Variants in CABCOCO1 observed in about 807,000 individuals in gnomAD.
The protein encoded by CABCOCO1 is ciliary associated calcium binding coiled-coil 1, also known as ciliary-associated calcium-binding coiled-coil protein 1.
Under a neutral mutation model 35.7 loss-of-function variants are expected in CABCOCO1, and 28 were observed. The observed-to-expected ratio is 0.78, with a 90% CI of 0.58 to 1.07. The LOEUF is 1.07. CABCOCO1 is among the 50% of genes least tolerant of loss of function. The pLI, the probability that CABCOCO1 is intolerant of heterozygous loss-of-function variation, is 0.00. For missense variants in CABCOCO1, 326 were observed against 309.2 expected (o/e 1.05, Z -0.41); for synonymous variants, 95 against 100.1 (o/e 0.95, Z 0.30).
chr10:61,723,225 G>T (rs967124396), intron 5 of CABCOCO1, among the ~76,000 whole-genome samples: 5 of 152,094 alleles, frequency 3.3e-5, no homozygotes, highest in Non-Finnish European at 5.9e-5. Context: ...AGAAAAAACT[G>T]TTACAATTTT....
At chr10:61,685,938 A>G (rs1194611274) in intron 3 of CABCOCO1, 103 bp from the exon 4 acceptor site, 1 of 976,966 alleles carries the variant, frequency 1.0e-6, no homozygotes, top group East Asian at 2.9e-5. Flanking sequence ...CCTCACAAAT[A>G]CTTAACAAAG....
chr10:61,714,051 T>A lies in CABCOCO1; in HGVS notation c.552+23430T>A, dbSNP rs189078847. 3.7e-3 allele frequency among the ~76,000 whole-genome samples: 568 copies of A among 152,304 alleles called. 1 individual carries two copies. The highest frequency in any genetic ancestry group is 6.4e-3 in the Non-Finnish European group (436 of 68,018). ...AAATGAGTTAGGGAGGATTCCCTCT[T>A]TTTCTATTGATTGGAATAGTTTCAG... On this transcript the variant is annotated intron_variant, in intron 5 of 7. Coordinates refer to ENST00000648843, the MANE Select transcript of CABCOCO1 (RefSeq NM_001366906.2).
At chr10:61,697,131 A>T (rs187598279) in intron 5 of CABCOCO1, among the ~76,000 whole-genome samples, 80 of 152,218 alleles carry the variant, frequency 5.3e-4, no homozygotes, top group Non-Finnish European at 5.6e-4. Context: ...GTGAATGTGA[A>T]TATCTTTCTT....
chr10:61,757,638 A>G (rs1294577410), intron 5 of CABCOCO1, among the ~76,000 whole-genome samples: 1 of 151,838 alleles, frequency 6.6e-6, no homozygotes, highest in Non-Finnish European at 1.5e-5. Flanking sequence ...CAAAGAAATG[A>G]TGATGTGGAA....
chr10:61,756,792 C>T (rs1841906096), intron 5 of CABCOCO1, among the ~76,000 whole-genome samples: 1 of 151,812 alleles, frequency 6.6e-6, no homozygotes, highest in African/African-American at 2.4e-5. Flanking sequence ...AGGGAGGTTG[C>T]TAAATCAGGG....
chr10:61,704,117 A>G (rs1307611450), intron 5 of CABCOCO1, among the ~76,000 whole-genome samples: 1 of 151,988 alleles, frequency 6.6e-6, no homozygotes, highest in African/African-American at 2.4e-5. Flanking sequence ...CCAGCTACTC[A>G]GGAGGCTGAG....
intron 5 of CABCOCO1, among the ~76,000 whole-genome samples, chr10:61,710,315 T>G (rs1046523950): frequency 1.3e-5 from 2 of 151,366 alleles, no homozygotes; most frequent in Non-Finnish European, 2.9e-5. Context: ...AATATAGAGA[T>G]AATGATAGAG....
At chr10:61,713,210 G>C (rs1234221594) in intron 5 of CABCOCO1, among the ~76,000 whole-genome samples, 1 of 152,114 alleles carries the variant, frequency 6.6e-6, no homozygotes, top group Non-Finnish European at 1.5e-5. Context: ...TCTCCTTGAA[G>C]AGGTCCTTCA....
intron 5 of CABCOCO1, among the ~76,000 whole-genome samples, chr10:61,717,916 C>A (rs977913082): frequency 6.6e-6 from 1 of 152,018 alleles, no homozygotes; most frequent in African/African-American, 2.4e-5. Flanking sequence ...ATATTTTAAC[C>A]CAATAGCAGG....
At position 61,760,869 on chromosome 10, in the gene CABCOCO1, G is replaced by C. The variant is rs761814732; in HGVS notation, c.682G>C (p.Asp228His). 6.2e-7 allele frequency: 1 copy of C among 1,611,282 alleles called. No homozygotes were observed. Among genetic ancestry groups the C allele is most frequent in the African/African-American group, 1.3e-5 (1 of 74,696 alleles). Residue 228 changes from aspartate to histidine, a missense_variant, in exon 7 of 8, where the codon GAT (aspartate) becomes CAT (histidine). Coordinates refer to ENST00000648843, the MANE Select transcript of CABCOCO1 (RefSeq NM_001366906.2). ...TILDTEMKRL[D>H]QEQGPEESQP... ...TTTACTTTCAATATTCTAGAGGTTG[G>C]ATCAAGAACAAGGCCCTGAGGAGTC...
rs546496470 is a variant in CABCOCO1 at position 61,700,170 on chromosome 10, G to A, written c.552+9549G>A. On this transcript the variant is annotated intron_variant, in intron 5 of 7. Coordinates refer to ENST00000648843, the MANE Select transcript of CABCOCO1 (RefSeq NM_001366906.2). ...CCACCTTGGGAAATGTCTAACTATT[G>A]TCAAGACTGTAAGATACCAGAGGCC... 9.2e-5 allele frequency among the ~76,000 whole-genome samples: 14 copies of A among 152,010 alleles called. No individual in the cohort carries two copies. In the East Asian group the frequency reaches 2.5e-3, roughly 27 times the overall value.
At chr10:61,763,982 G>A (rs1842059311) in intron 7 of CABCOCO1, among the ~76,000 whole-genome samples, 3 of 152,092 alleles carry the variant, frequency 2.0e-5, no homozygotes, top group Admixed American at 2.0e-4. Context: ...GGAGATCTGA[G>A]ACATTACTCA....
At position 61,766,510 on chromosome 10, in the gene CABCOCO1, T is replaced by TG. The variant is rs1406119818; in HGVS notation, c.*497_*498insG. On this transcript the variant is annotated 3_prime_UTR_variant, in exon 8 of 8. Transcript: ENST00000648843. Reference sequence around the variant, plus strand: ...CAATTCAAATGCATATATGAGGTTTTTTTTTTTTTTACTGAAATCATTTGG... The same window carrying TG: ...CAATTCAAATGCATATATGAGGTTTTGTTTTTTTTTTACTGAAATCATTTGG... 2.6e-5 allele frequency: 4 copies of TG among 151,678 alleles called. No individual in the cohort carries two copies. The highest frequency in any genetic ancestry group is 6.6e-5 in the Admixed American group (1 of 15,226). 9.4% of individuals were successfully genotyped at this position (151,678 alleles called of 1,614,324 possible).
chr10:61,675,347 G>T (rs1661473740), intron 2 of CABCOCO1, among the ~76,000 whole-genome samples: 1 of 152,060 alleles, frequency 6.6e-6, no homozygotes, highest in African/African-American at 2.4e-5. Context: ...ATCTCCTTTG[G>T]AGTACAATGA....
intron 5 of CABCOCO1, among the ~76,000 whole-genome samples, chr10:61,739,078 G>T (rs1403123826): frequency 6.6e-6 from 1 of 152,034 alleles, no homozygotes; most frequent in Non-Finnish European, 1.5e-5. Flanking sequence ...ATAGGGATCT[G>T]CAAGAGAACT....
intron 5 of CABCOCO1, among the ~76,000 whole-genome samples, chr10:61,723,837 G>A (rs1841080011): frequency 6.6e-6 from 1 of 152,176 alleles, no homozygotes; most frequent in Admixed American, 6.5e-5. Flanking sequence ...ATTGAGGCTG[G>A]AGGGAACACA....
intron 2 of CABCOCO1, among the ~76,000 whole-genome samples, chr10:61,677,351 C>T (rs1839545527): frequency 2.0e-5 from 3 of 151,984 alleles, no homozygotes; most frequent in African/African-American, 7.3e-5. Flanking sequence ...GATTCTTAAC[C>T]AATGGAGGAC....
chr10:61,713,995 G>T (rs1238136324), intron 5 of CABCOCO1, among the ~76,000 whole-genome samples: 1 of 152,140 alleles, frequency 6.6e-6, no homozygotes, highest in Non-Finnish European at 1.5e-5. Flanking sequence ...TCTCTGCCAG[G>T]CTTTGGTATC....
At chr10:61,733,816 T>C (rs542850827) in intron 5 of CABCOCO1, among the ~76,000 whole-genome samples, 1 of 152,202 alleles carries the variant, frequency 6.6e-6, no homozygotes, top group South Asian at 2.1e-4. Context: ...AATAGTTGAA[T>C]GTTAAAGAGG....
Sources: allele counts gnomAD v4.1 joint callset (sites outside exome capture counted in the v4.1 genomes callset), GRCh38; gene constraint gnomAD v4.1.1; transcripts MANE v1.5; gene names NCBI Gene and HGNC (gene_info 2026-07-23, HGNC 2026-07-21).